COL25A1: variants seen among roughly 807,000 people sequenced by gnomAD.
The protein encoded by COL25A1 is collagen type XXV alpha 1 chain.
In COL25A1, 103 loss-of-function variants were observed where a neutral mutation model predicts 128.4. The ratio of observed to expected loss-of-function variants is 0.80; its 90% CI spans 0.68 to 0.94. COL25A1 has a LOEUF of 0.94. Among genes scored for constraint, COL25A1 ranks in the 40% least tolerant of loss-of-function variants. COL25A1 has a pLI of 0.00. For missense variants in COL25A1, 745 were observed against 840.0 expected (o/e 0.89, Z 1.40); for synonymous variants, 279 against 277.2 (o/e 1.01, Z -0.06).
chr4:109,031,825 C>A (rs1019250665), intron 5 of COL25A1, among the ~76,000 whole-genome samples: 1 of 152,122 alleles, frequency 6.6e-6, no homozygotes, highest in Non-Finnish European at 1.5e-5. Context: ...GGTGTGTCCT[C>A]CCACTCATTC....
intron 19 of COL25A1, among the ~76,000 whole-genome samples, chr4:108,869,463 T>A (rs1026039962): frequency 2.0e-5 from 3 of 152,088 alleles, no homozygotes; most frequent in Non-Finnish European, 4.4e-5. Context: ...GAAGTACAGG[T>A]AACCTGCGGG....
At chr4:108,951,720 C>G (rs78770307) in intron 8 of COL25A1, among the ~76,000 whole-genome samples, 6,632 of 152,218 alleles carry the variant, frequency 0.044, 371 homozygotes, top group African/African-American at 0.13. Context: ...AGTTTTTCCT[C>G]TTTGCAGGAA....
intron 5 of COL25A1, among the ~76,000 whole-genome samples, chr4:109,033,191 T>C (rs1287098019): frequency 5.9e-5 from 9 of 152,218 alleles, no homozygotes; most frequent in Non-Finnish European, 1.3e-4. Flanking sequence ...ACACAACACA[T>C]GTACAGATTC....
intron 11 of COL25A1, among the ~76,000 whole-genome samples, chr4:108,926,466 T>C (rs1746075681): frequency 6.6e-6 from 1 of 152,198 alleles, no homozygotes; most frequent in Admixed American, 6.5e-5. Context: ...TAAGAATTTT[T>C]CCACGATTTA....
intron 5 of COL25A1, among the ~76,000 whole-genome samples, chr4:109,024,185 G>T (rs181204922): frequency 1.3e-3 from 197 of 152,184 alleles, no homozygotes; most frequent in African/African-American, 4.0e-3. Flanking sequence ...GCTAAGCTAT[G>T]ATGGGCAGTA....
At chr4:108,882,769 G>A (rs1448276603) in intron 19 of COL25A1, among the ~76,000 whole-genome samples, 1 of 152,012 alleles carries the variant, frequency 6.6e-6, no homozygotes, top group African/African-American at 2.4e-5. Context: ...TCTATTAAAA[G>A]GACATATCTG....
rs1406360495 is a variant in COL25A1, at chr4:108,809,457, A to C, written c.*4470T>G. The C allele has an allele frequency of 6.6e-6, 1 of 152,102 alleles. No homozygotes were observed. The highest frequency in any genetic ancestry group is 1.5e-5 in the Non-Finnish European group (1 of 67,950). 9.4% of individuals were successfully genotyped at this position (152,102 alleles called of 1,614,324 possible). On this transcript the variant is annotated 3_prime_UTR_variant, in exon 38 of 38. Transcript: ENST00000399132. ...GTTAATATTTCTGAGATAGGTAAGA[A>C]TATCAACTACATTTTGAGAGATGTT... is the stretch of plus-strand genomic sequence containing the variant.
intron 36 of COL25A1, among the ~76,000 whole-genome samples, chr4:108,818,969 T>G (rs952098174): frequency 2.4e-4 from 36 of 152,234 alleles, no homozygotes; most frequent in African/African-American, 8.4e-4. Context: ...TTTAATGTAA[T>G]CTTTAAATAT....
intron 5 of COL25A1, among the ~76,000 whole-genome samples, chr4:109,021,256 T>C (rs1433174501): frequency 6.6e-6 from 1 of 152,186 alleles, no homozygotes; most frequent in African/African-American, 2.4e-5. Flanking sequence ...AACTGCCCAG[T>C]ATGAAGGCAC....
At chr4:109,273,441 T>C (rs139426925) in intron 3 of COL25A1, among the ~76,000 whole-genome samples, 39 of 152,256 alleles carry the variant, frequency 2.6e-4, no homozygotes, top group African/African-American at 8.4e-4. Context: ...CTGAACTACA[T>C]CAGTAAATTA....
rs528670151 is a variant in COL25A1, at chr4:108,837,171, T to C, written c.1656+4524A>G. ...TAACTATTGACCATCATATGGTGGATGTATGTAAGGCACTTGCTATCAACT... is the reference window on the plus strand; with the variant it reads ...TAACTATTGACCATCATATGGTGGACGTATGTAAGGCACTTGCTATCAACT... On this transcript the variant is annotated intron_variant, in intron 31 of 37. Transcript: ENST00000399132. Among the ~76,000 whole-genome samples the C allele has an allele frequency of 1.6e-4, 25 of 152,354 alleles. No homozygotes were observed. In the South Asian group the frequency reaches 4.6e-3, roughly 28 times the overall value.
chr4:109,211,446 CTTCCTTAATG>C (rs60868626), intron 3 of COL25A1, among the ~76,000 whole-genome samples: 67,879 of 149,030 alleles, frequency 0.46, 18,638 homozygotes, highest in African/African-American at 0.77. Flanking sequence ...CACTCTGAGC[CTTCCTTAATG>C]TTCCTTAATG....
intron 16 of COL25A1, among the ~76,000 whole-genome samples, chr4:108,893,780 T>A (rs901528348): frequency 6.6e-5 from 10 of 152,146 alleles, no homozygotes; most frequent in Non-Finnish European, 2.9e-5. Context: ...AAGAAGAGTG[T>A]TTCCAACATG....
intron 20 of COL25A1, among the ~76,000 whole-genome samples, chr4:108,865,105 A>T (rs546323598): frequency 6.6e-6 from 1 of 152,326 alleles, no homozygotes; most frequent in South Asian, 2.1e-4. Flanking sequence ...GTACCTTTTA[A>T]TACTCCCTAA....
intron 6 of COL25A1, among the ~76,000 whole-genome samples, chr4:109,004,671 TTCTC>T (rs889080528): frequency 1.2e-4 from 18 of 151,706 alleles, no homozygotes; most frequent in East Asian, 5.8e-4. Context: ...GTGTGGCACC[TTCTC>T]TCTCTCTCTC....
chr4:109,074,210 T>C (rs999048334), intron 3 of COL25A1, among the ~76,000 whole-genome samples: 3 of 152,138 alleles, frequency 2.0e-5, no homozygotes, highest in Admixed American at 6.5e-5. Flanking sequence ...CAGGTAGTAA[T>C]GTTCACTCAC....
chr4:109,025,007 C>T (rs1000680964), intron 5 of COL25A1, among the ~76,000 whole-genome samples: 3 of 152,146 alleles, frequency 2.0e-5, no homozygotes, highest in Admixed American at 6.5e-5. Flanking sequence ...GGCATAGAGG[C>T]CCTTGGATCC....
intron 5 of COL25A1, among the ~76,000 whole-genome samples, chr4:109,035,856 A>G (rs2125920831): frequency 6.6e-6 from 1 of 152,186 alleles, no homozygotes; most frequent in South Asian, 2.1e-4. Flanking sequence ...ATGCTCTTCA[A>G]ACTCTCTTCT....
intron 11 of COL25A1, among the ~76,000 whole-genome samples, chr4:108,929,419 C>G (rs1242877260): frequency 2.6e-5 from 4 of 152,130 alleles, no homozygotes; most frequent in African/African-American, 9.7e-5. Context: ...CCACCGCGCC[C>G]GGCTGGTGTG....
Sources: gnomAD v4.1 joint callset for allele counts (sites outside exome capture counted in the v4.1 genomes callset) on GRCh38, gnomAD v4.1.1 for gene constraint, MANE v1.5 for transcripts, NCBI Gene and HGNC (gene_info 2026-07-23, HGNC 2026-07-21) for gene names.